The following PDE1C variants were observed in gnomAD, a reference collection of about 807,000 sequenced individuals.
PDE1C encodes the protein dual specificity calcium/calmodulin-dependent 3',5'-cyclic nucleotide phosphodiesterase 1C.
Under a neutral mutation model 93.1 loss-of-function variants are expected in PDE1C, and 62 were observed. The observed-to-expected ratio is 0.67, with a 90% CI of 0.54 to 0.82. PDE1C has a LOEUF of 0.82. Among genes scored for constraint, PDE1C ranks in the 40% least tolerant of loss-of-function variants. The probability of loss-of-function intolerance (pLI) is 0.00; values close to 1 mark genes in which losing one functional copy is unlikely to be tolerated. For synonymous variants in PDE1C, 325 were observed against 310.1 expected (o/e 1.05, Z -0.50); for missense variants, 742 against 884.6 (o/e 0.84, Z 2.04).
chr7:31,968,012 G>C (rs1159048749), intron 2 of PDE1C, among the ~76,000 whole-genome samples: 2 of 152,158 alleles, frequency 1.3e-5, no homozygotes, highest in African/African-American at 4.8e-5. Flanking sequence ...ATACTGAATG[G>C]ACAAAGACTG....
intron 11 of PDE1C, among the ~76,000 whole-genome samples, chr7:31,828,637 T>C (rs1166498248): frequency 6.6e-6 from 1 of 152,088 alleles, no homozygotes; most frequent in African/African-American, 2.4e-5. Context: ...AGGACCTCCA[T>C]GGAAAATAAG....
intron 2 of PDE1C, chr7:31,941,150 C>T (rs997060451): frequency 1.5e-4 from 23 of 152,042 alleles, no homozygotes; most frequent in African/African-American, 5.1e-4. Context: ...GATCTGAGCT[C>T]TGGCTACCCT....
chr7:31,754,021 T>C (rs1300878983), intron 17 of PDE1C, among the ~76,000 whole-genome samples: 1 of 152,058 alleles, frequency 6.6e-6, no homozygotes, highest in Non-Finnish European at 1.5e-5. Flanking sequence ...AAAGATCTTG[T>C]ATTCAAAATA....
chr7:31,681,426 T>C, the PDE1C span, among the ~76,000 whole-genome samples: 2 of 152,120 alleles, frequency 1.3e-5, no homozygotes, highest in Non-Finnish European at 2.9e-5. Context: ...AATATGCTAT[T>C]ATTTATCTTC....
chr7:31,983,373 A>C (rs1404880410), intron 2 of PDE1C, among the ~76,000 whole-genome samples: 3 of 152,204 alleles, frequency 2.0e-5, no homozygotes, highest in Non-Finnish European at 4.4e-5. Context: ...GCTCAGGAGG[A>C]GGGAGATACA....
intron 16 of PDE1C, among the ~76,000 whole-genome samples, chr7:31,792,282 C>G (rs868758266): frequency 6.6e-6 from 1 of 152,050 alleles, no homozygotes; most frequent in Non-Finnish European, 1.5e-5. Context: ...GGGAAAACAC[C>G]TCATTTATCG....
chr7:31,648,476 A>G, the PDE1C span, among the ~76,000 whole-genome samples: 1 of 152,166 alleles, frequency 6.6e-6, no homozygotes. Flanking sequence ...CCATGTTTCC[A>G]AATAACCAGA....
Position 31,873,207 on chromosome 7 carries a change from T to C in PDE1C, c.609+85A>G. On this transcript the variant is annotated intron_variant, in intron 6 of 17. Coordinates refer to ENST00000396191, the MANE Select transcript of PDE1C (RefSeq NM_001191057.4). The stretch of plus-strand genomic sequence containing the variant: ...CCTGGAGCAGTTTTCATTCCGCATA[T>C]TAAAATAGTCTGAACCCAAAAGTCA... The C allele has an allele frequency of 3.7e-6, 3 of 816,718 alleles. No individual in the cohort carries two copies. In the South Asian group the frequency reaches 5.1e-5, roughly 14 times the overall value. The allele number at this position is 816,718 out of a possible 1,614,324, so 50.6% of individuals were successfully genotyped here. A position where few individuals can be genotyped will look rare whatever the true frequency, so the allele number is the denominator to read the frequency against.
At chr7:31,978,790 C>A (rs1391963355) in intron 2 of PDE1C, among the ~76,000 whole-genome samples, 1 of 152,110 alleles carries the variant, frequency 6.6e-6, no homozygotes, top group Non-Finnish European at 1.5e-5. Context: ...TAAAAGAGGA[C>A]CAGGACATGT....
chr7:32,414,355 C>A (rs1785230853), intron 1 of PDE1C, among the ~76,000 whole-genome samples: 2 of 150,810 alleles, frequency 1.3e-5, no homozygotes, highest in Admixed American at 1.3e-4. Context: ...AAGTAAAAAA[C>A]ATTACATTAT....
chr7:32,239,374 C>T (rs373393462), intron 1 of PDE1C, among the ~76,000 whole-genome samples: 15 of 152,258 alleles, frequency 9.9e-5, no homozygotes, highest in African/African-American at 3.6e-4. Context: ...GCCCAAAAGA[C>T]AGAAGGAGAC....
At chr7:31,690,393 C>T in the PDE1C span, among the ~76,000 whole-genome samples, 12,222 of 152,208 alleles carry the variant, frequency 0.08, 555 homozygotes, top group East Asian at 0.2. Flanking sequence ...AGGGTAAGCT[C>T]GGGGGACAGA....
the PDE1C span, among the ~76,000 whole-genome samples, chr7:31,664,303 T>C: frequency 1.3e-5 from 2 of 149,244 alleles, no homozygotes; most frequent in Admixed American, 6.6e-5. Context: ...ACAGAGCCAG[T>C]TGAGATTTAA....
At chr7:31,896,669 C>G (rs1799365726) in intron 2 of PDE1C, among the ~76,000 whole-genome samples, 1 of 152,178 alleles carries the variant, frequency 6.6e-6, no homozygotes, top group African/African-American at 2.4e-5. Context: ...TTCCCAAAGC[C>G]AACATTGCAT....
intron 1 of PDE1C, among the ~76,000 whole-genome samples, chr7:32,278,431 T>G (rs1457997047): frequency 6.6e-6 from 1 of 152,226 alleles, no homozygotes; most frequent in Non-Finnish European, 1.5e-5. Context: ...GAAGAAATTC[T>G]TCCTCACCTA....
At chr7:32,169,709 G>C in intron 3 of PDE1C, 1 of 1,239,230 alleles carries the variant, frequency 8.1e-7, no homozygotes. Flanking sequence ...TGGCCACACT[G>C]ACTATGCATC....
At chr7:31,656,741 G>A in the PDE1C span, among the ~76,000 whole-genome samples, 57 of 152,294 alleles carry the variant, frequency 3.7e-4, 1 homozygote, top group East Asian at 5.6e-3. Context: ...ATGACTTCAT[G>A]TGTGATGGAG....
At chr7:32,179,320 C>G (rs907194017) in intron 2 of PDE1C, among the ~76,000 whole-genome samples, 1 of 143,798 alleles carries the variant, frequency 7.0e-6, no homozygotes, top group Admixed American at 7.5e-5. Context: ...AGTGCAGTGG[C>G]GTGATCTCAG....
chr7:31,808,495 C>T (rs1787132978), intron 16 of PDE1C, among the ~76,000 whole-genome samples: 1 of 151,874 alleles, frequency 6.6e-6, no homozygotes, highest in Non-Finnish European at 1.5e-5. Flanking sequence ...ATTGTCATTG[C>T]CTTTAGGACT....
Sources: gnomAD v4.1 joint callset for allele counts (sites outside exome capture counted in the v4.1 genomes callset) on GRCh38, gnomAD v4.1.1 for gene constraint, MANE v1.5 for transcripts, NCBI Gene and HGNC (gene_info 2026-07-23, HGNC 2026-07-21) for gene names.